Variants in MLLT3 observed in about 807,000 individuals in gnomAD.
MLLT3 encodes the protein protein AF-9.
A neutral mutation model predicts 53.2 loss-of-function variants in MLLT3; 4 were observed. The ratio of observed to expected loss-of-function variants is 0.08; its 90% CI spans 0.04 to 0.17. The LOEUF (loss-of-function observed/expected upper bound fraction) is 0.17. Ranked by LOEUF, MLLT3 falls within the 10% of genes least tolerant of loss-of-function variation. MLLT3 has a pLI of 1.00. For missense variants in MLLT3, 569 were observed against 684.0 expected (o/e 0.83, Z 1.87); for synonymous variants, 283 against 230.6 (o/e 1.23, Z -2.06).
At chr9:20,537,397 A>G (rs1043071091) in intron 2 of MLLT3, among the ~76,000 whole-genome samples, 2 of 152,208 alleles carry the variant, frequency 1.3e-5, no homozygotes, top group Non-Finnish European at 2.9e-5. Context: ...AAGAAAATAT[A>G]TTTTAGATAG....
chr9:20,363,750 G>T, intron 6 of MLLT3, 145 bp from the exon 7 acceptor site: 1 of 695,678 alleles, frequency 1.4e-6, no homozygotes, highest in Non-Finnish European at 2.0e-6. Flanking sequence ...AGGCAAATTT[G>T]GTATAGTTTC....
At chr9:20,413,050 T>C (rs762788063) in intron 5 of MLLT3, among the ~76,000 whole-genome samples, 13 of 152,200 alleles carry the variant, frequency 8.5e-5, no homozygotes, top group African/African-American at 3.1e-4. Context: ...CAAAAACTTG[T>C]AGTGAATGAA....
intron 2 of MLLT3, among the ~76,000 whole-genome samples, chr9:20,556,142 GATGA>G (rs1819051726): frequency 6.6e-6 from 1 of 152,094 alleles, no homozygotes; most frequent in African/African-American, 2.4e-5. Flanking sequence ...ATATGCAATA[GATGA>G]ATGTATAAAC....
intron 2 of MLLT3, among the ~76,000 whole-genome samples, chr9:20,502,081 C>CA (rs764771428): frequency 1.2e-3 from 40 of 32,458 alleles, no homozygotes; most frequent in Middle Eastern, 0.024. Context: ...AACTCCATCT[C>CA]AAAAAAAAAA....
chr9:20,498,266 A>AAAAAAAAAAAG, intron 2 of MLLT3, among the ~76,000 whole-genome samples: 1 of 98,350 alleles, frequency 1.0e-5, no homozygotes, highest in South Asian at 3.5e-4. Flanking sequence ...AAAAAAAAAA[A>AAAAAAAAAAAG]GTTCTTCTAG....
At chr9:20,537,206 C>T (rs1818511763) in intron 2 of MLLT3, among the ~76,000 whole-genome samples, 1 of 152,012 alleles carries the variant, frequency 6.6e-6, no homozygotes, top group Non-Finnish European at 1.5e-5. Context: ...CAAATGAGTA[C>T]TCAATGTTAT....
At chr9:20,477,554 T>A (rs1824555931) in intron 2 of MLLT3, among the ~76,000 whole-genome samples, 1 of 152,080 alleles carries the variant, frequency 6.6e-6, no homozygotes, top group African/African-American at 2.4e-5. Context: ...ACCAGAAGGA[T>A]GACAAAACTG....
At chr9:20,522,325 G>A (rs1818083997) in intron 2 of MLLT3, among the ~76,000 whole-genome samples, 1 of 151,128 alleles carries the variant, frequency 6.6e-6, no homozygotes, top group African/African-American at 2.4e-5. Context: ...AAATAGTTCT[G>A]TGCTGTATTT....
chr9:20,454,736 C>T (rs1053859509), intron 3 of MLLT3, among the ~76,000 whole-genome samples: 3 of 152,156 alleles, frequency 2.0e-5, no homozygotes. Context: ...TGATCTTCAT[C>T]ACTTAAACTT....
At chr9:20,552,200 GT>G (rs1296250139) in intron 2 of MLLT3, among the ~76,000 whole-genome samples, 1 of 152,128 alleles carries the variant, frequency 6.6e-6, no homozygotes, top group Non-Finnish European at 1.5e-5. Context: ...TTGGAGTCTT[GT>G]TTGCAAAGAA....
chr9:20,421,751 A>T (rs1414615108), intron 4 of MLLT3, among the ~76,000 whole-genome samples: 1 of 152,144 alleles, frequency 6.6e-6, no homozygotes, highest in Non-Finnish European at 1.5e-5. Flanking sequence ...TTTCCATAAA[A>T]GGAATAAGAT....
intron 4 of MLLT3, among the ~76,000 whole-genome samples, chr9:20,437,128 A>C (rs1345800199): frequency 1.7e-4 from 26 of 152,182 alleles, no homozygotes; most frequent in Admixed American, 1.7e-3. Flanking sequence ...TTAAAAAAAA[A>C]TCAAGATCAG....
intron 2 of MLLT3, among the ~76,000 whole-genome samples, chr9:20,523,936 T>A (rs200230474): frequency 2.0e-5 from 3 of 148,170 alleles, no homozygotes; most frequent in Non-Finnish European, 4.5e-5. Flanking sequence ...ATGCCACTGC[T>A]CTCCAGCCTA....
At chr9:20,467,515 C>T (rs1206344292) in intron 2 of MLLT3, among the ~76,000 whole-genome samples, 1 of 152,068 alleles carries the variant, frequency 6.6e-6, no homozygotes, top group African/African-American at 2.4e-5. Context: ...GAGGCGGAGG[C>T]TGCTGTGAGC....
In MLLT3 at chr9:20,346,228, G is replaced by A. The variant is rs1209568793; in HGVS notation, c.*215C>T. ...CTTGGAGAGAAGAGTGGTCCGCTGA[G>A]GCTGGTTTGCTTTAACCTCTCCTTT... On this transcript the variant is annotated 3_prime_UTR_variant, in exon 11 of 11. Coordinates refer to ENST00000380338, the MANE Select transcript of MLLT3 (RefSeq NM_004529.4). The A allele has an allele frequency of 4.4e-6, 2 of 457,800 alleles. No individual in the cohort carries two copies. The highest frequency in any genetic ancestry group is 4.0e-5 in the African/African-American group (2 of 50,224). The allele number at this position is 457,800 out of a possible 1,614,324, so 28.4% of individuals were successfully genotyped here. A position where few individuals can be genotyped will look rare whatever the true frequency, so the allele number is the denominator to read the frequency against.
intron 2 of MLLT3, among the ~76,000 whole-genome samples, chr9:20,561,924 G>T: frequency 6.6e-6 from 1 of 150,638 alleles, no homozygotes; most frequent in African/African-American, 2.4e-5. Context: ...GAGTTTTGGG[G>T]TTTTGGTTTG....
chr9:20,541,251 T>C (rs1336454549), intron 2 of MLLT3, among the ~76,000 whole-genome samples: 1 of 152,200 alleles, frequency 6.6e-6, no homozygotes, highest in Non-Finnish European at 1.5e-5. Context: ...TCCTGTATTC[T>C]TCTGAGTCCT....
At chr9:20,371,669 G>A (rs1224467271) in intron 5 of MLLT3, among the ~76,000 whole-genome samples, 1 of 152,144 alleles carries the variant, frequency 6.6e-6, no homozygotes, top group Admixed American at 6.5e-5. Flanking sequence ...ATTGCTCATT[G>A]ACAATGTACC....
At chr9:20,432,906 G>A (rs894190116) in intron 4 of MLLT3, among the ~76,000 whole-genome samples, 6 of 151,864 alleles carry the variant, frequency 4.0e-5, no homozygotes, top group Non-Finnish European at 7.4e-5. Context: ...GACCCTAAAA[G>A]GCACATAATA....
Sources: gnomAD v4.1 joint callset for allele counts (sites outside exome capture counted in the v4.1 genomes callset) on GRCh38, gnomAD v4.1.1 for gene constraint, MANE v1.5 for transcripts, NCBI Gene and HGNC (gene_info 2026-07-23, HGNC 2026-07-21) for gene names.